The following ECHDC3 variants were observed in gnomAD, a reference collection of about 807,000 sequenced individuals.
The protein encoded by ECHDC3 is enoyl-CoA hydratase domain-containing protein 3, mitochondrial.
A neutral mutation model predicts 17.9 loss-of-function variants in ECHDC3; 20 were observed. That is an observed-to-expected ratio of 1.12 (90% CI 0.79 to 1.63). The LOEUF (loss-of-function observed/expected upper bound fraction) is 1.63, where lower values mean the gene tolerates loss of function less well. Ranked by LOEUF, ECHDC3 falls within the 40% of genes most tolerant of loss-of-function variation. ECHDC3 has a pLI of 0.00. For missense variants in ECHDC3, 407 were observed against 357.7 expected, an observed-to-expected ratio of 1.14 and a Z score of -1.11; for synonymous variants, 177 against 149.7, an observed-to-expected ratio of 1.18 and a Z score of -1.33.
chr10:11,749,356 T>G (rs1052619340), intron 2 of ECHDC3, 139 bp from the exon 3 acceptor site: 3 of 728,292 alleles, frequency 4.1e-6, no homozygotes, highest in Non-Finnish European at 6.5e-6. Context: ...CTGGAATTAT[T>G]CTTCTCAAAA....
At chr10:11,758,177 G>A (rs1244564756) in intron 4 of ECHDC3, among the ~76,000 whole-genome samples, 1 of 152,218 alleles carries the variant, frequency 6.6e-6, no homozygotes, top group Non-Finnish European at 1.5e-5. Flanking sequence ...AAGCCTGTCT[G>A]TTCAAATCAG....
At chr10:11,755,323 CAAA>C (rs35696123) in intron 3 of ECHDC3, 82 bp from the exon 4 acceptor site, 128,191 of 763,418 alleles carry the variant, frequency 0.17, 731 homozygotes, top group East Asian at 0.26. Flanking sequence ...GAGACTCTGT[CAAA>C]AAAAAAAAAA....
Position 11,755,440 on chromosome 10 carries a change from C to T in ECHDC3, c.423C>T (p.Pro141=), listed in dbSNP as rs751388435. The T allele has an allele frequency of 9.9e-6, 16 of 1,613,798 alleles. No homozygotes were observed. Among genetic ancestry groups the T allele is most frequent in the Middle Eastern group, 1.6e-4 (1 of 6,082 alleles). ...VMMHIRNHPV[P]VIAMVNGLAA... ...TGCACATCCGGAACCACCCCGTTCC[C>T]GTCATTGCCATGGTCAATGGCCTGG... The change falls in exon 4 of 5, where the codon CCC becomes CCT. Residue 141 remains proline (P), a synonymous_variant. Coordinates refer to ENST00000379215, the MANE Select transcript of ECHDC3 (RefSeq NM_024693.5).
chr10:11,756,477 A>G (rs979915067), intron 4 of ECHDC3, among the ~76,000 whole-genome samples: 1 of 152,236 alleles, frequency 6.6e-6, no homozygotes, highest in African/African-American at 2.4e-5. Flanking sequence ...CCTAAGACGC[A>G]AAAGAAATAA....
chr10:11,742,514 G>A lies in ECHDC3; in HGVS notation c.-63G>A, dbSNP rs1387175072. On this transcript the variant is annotated 5_prime_UTR_variant, in exon 1 of 5. Coordinates refer to ENST00000379215, the MANE Select transcript of ECHDC3 (RefSeq NM_024693.5). ...CCCTGCTCACAGCAGCGCCCTCGGA[G>A]CGCCCAGCACCTGCGGCCGGCCAGG... The A allele has an allele frequency of 1.6e-6, 2 of 1,244,310 alleles. No individual in the cohort carries two copies. The highest frequency in any genetic ancestry group is 3.2e-5 in the East Asian group (1 of 30,784). The allele number at this position is 1,244,310 out of a possible 1,614,324, so 77.1% of individuals were successfully genotyped here.
chr10:11,744,090 C>T lies in ECHDC3; in HGVS notation c.170+1344C>T, dbSNP rs1046663927. Among the ~76,000 whole-genome samples, 6 of 152,250 alleles carry T rather than the reference C, an allele frequency of 3.9e-5. No individual in the cohort carries two copies. The East Asian group carries it at 9.6e-4, about 24-fold the overall frequency. ...CTCCTCCTCCCAGCAGCACTGCTGTCATGGACCCAGGGCCAGCTCTGTGCT... is the reference window on the plus strand; with the variant it reads ...CTCCTCCTCCCAGCAGCACTGCTGTTATGGACCCAGGGCCAGCTCTGTGCT... On this transcript the variant is annotated intron_variant, in intron 1 of 4. Transcript: ENST00000379215.
chr10:11,742,712 C>G lies in ECHDC3; in HGVS notation c.136C>G (p.Arg46Gly). 8.1e-7 allele frequency: 1 copy of G among 1,237,552 alleles called. No homozygotes were observed. 76.7% of individuals were successfully genotyped at this position (1,237,552 alleles called of 1,614,324 possible). ...GGCGGGGCGGCGGGAGTCGGAGCCGCGGCCCACCAGCGCGCGGCAGCTGGA... is the reference window on the plus strand; with the variant it reads ...GGCGGGGCGGCGGGAGTCGGAGCCGGGGCCCACCAGCGCGCGGCAGCTGGA... ...AGAGRRESEP[R>G]PTSARQLDGI... is the part of the protein sequence containing the mutation. Residue 46 changes from arginine (R) to glycine (G), a missense_variant, in exon 1 of 5, where the codon CGG becomes GGG. Coordinates refer to ENST00000379215, the MANE Select transcript of ECHDC3 (RefSeq NM_024693.5).
Position 11,742,652 on chromosome 10 carries a change from C to T in ECHDC3, c.76C>T (p.Leu26Phe). 8.0e-7 allele frequency: 1 copy of T among 1,253,782 alleles called. No homozygotes were observed. Among genetic ancestry groups the T allele is most frequent in the Non-Finnish European group, 1.0e-6 (1 of 1,000,776 alleles). The allele number at this position is 1,253,782 out of a possible 1,614,324, so 77.7% of individuals were successfully genotyped here. A position where few individuals can be genotyped will look rare whatever the true frequency, so the allele number is the denominator to read the frequency against. ...MCLRRGPWAQ[L>F]PARFCSRDPA... Reference sequence around the variant, plus strand: ...TCTCCGGCGCGGCCCCTGGGCCCAGCTCCCCGCCCGCTTCTGCAGCCGGGA... The same window carrying T: ...TCTCCGGCGCGGCCCCTGGGCCCAGTTCCCCGCCCGCTTCTGCAGCCGGGA... Residue 26 changes from leucine (L) to phenylalanine (F), a missense_variant, in exon 1 of 5, where the codon CTC becomes TTC. By Grantham distance (22) the Leu-to-Phe change is conservative. Transcript: ENST00000379215.
In ECHDC3 at chr10:11,749,574, AT is replaced by A. The variant is rs759879970; in HGVS notation, c.375del (p.Gln126ArgfsTer7). 4 of 1,613,976 alleles carry A rather than the reference AT, an allele frequency of 2.5e-6. No individual in the cohort carries two copies. In the Admixed American group the frequency reaches 6.7e-5, roughly 27 times the overall value. ...AAGGCCGTGATTACCATGCCGAAGT[AT>A]TTCAGACCTGTTCCAAGGTAAGCCA... is the stretch of plus-strand genomic sequence containing the variant. ...EQGRDYHAEV[F>X]QTCSKVMMHI... is the part of the protein sequence containing the mutation. On this transcript the variant is annotated frameshift_variant, in exon 3 of 5. Coordinates refer to ENST00000379215, the MANE Select transcript of ECHDC3 (RefSeq NM_024693.5). LOFTEE classifies it high-confidence loss of function.
chr10:11,760,974 TA>T (rs2133796254), intron 4 of ECHDC3, among the ~76,000 whole-genome samples: 1 of 152,360 alleles, frequency 6.6e-6, no homozygotes, highest in South Asian at 2.1e-4. Flanking sequence ...TCCTCCAACG[TA>T]AAATCGGTAC....
chr10:11,747,518 C>G, intron 2 of ECHDC3, 48 bp downstream of exon 2: 1 of 1,591,990 alleles, frequency 6.3e-7, no homozygotes, highest in Non-Finnish European at 8.5e-7. Context: ...CCCACAAGAG[C>G]TTTCTGAGTC....
Position 11,751,399 on chromosome 10 carries a change from T to C in ECHDC3, c.390+1807T>C, listed in dbSNP as rs1376854294. ...GTAGTAAAATAGGACTGAAAGTGTA[T>C]TGATATCTTTAAACCATTTCTAAGA... is the stretch of plus-strand genomic sequence containing the variant. On this transcript the variant is annotated intron_variant, in intron 3 of 4. Coordinates refer to ENST00000379215, the MANE Select transcript of ECHDC3 (RefSeq NM_024693.5). Among the ~76,000 whole-genome samples the C allele has an allele frequency of 2.6e-5, 4 of 152,352 alleles. No homozygotes were observed. The East Asian group carries it at 7.7e-4, about 29-fold the overall frequency.
intron 1 of ECHDC3, 98 bp from the exon 2 acceptor site, chr10:11,747,251 G>A (rs4750088): frequency 0.99 from 1,463,689 of 1,483,062 alleles, 724,259 homozygotes; most frequent in East Asian, 1. Context: ...CTCCTTTCTT[G>A]TCTGTTAAAA....
chr10:11,763,540 T>C lies in ECHDC3; in HGVS notation c.908T>C (p.Val303Ala), dbSNP rs556223380. 2.2e-5 allele frequency: 33 copies of C among 1,496,126 alleles called. 1 individual carries two copies. In the South Asian group the frequency reaches 3.3e-4, roughly 15 times the overall value. 92.7% of individuals were successfully genotyped at this position (1,496,126 alleles called of 1,614,324 possible). ...KRKPVWSHEP[V>A] ...AAACCTGTCTGGTCACACGAGCCAG[T>C]GTGAGTGGAGGCAGAGGAGTGAGGC... The change falls in exon 5 of 5, where the codon GTG becomes GCG. Residue 303 changes from valine (V) to alanine (A), a missense_variant. Physicochemically the swap from Val to Ala is moderately conservative, Grantham distance 64. Transcript: ENST00000379215. This position sits in a 1 kb window ranked among gnomAD's most constrained non-coding sequence, Gnocchi z 4.9.
chr10:11,749,531 A>C lies in ECHDC3; in HGVS notation c.329A>C (p.Lys110Thr). Residue 110 changes from lysine (K) to threonine (T), a missense_variant, in exon 3 of 5, where the codon AAG becomes ACG. Coordinates refer to ENST00000379215, the MANE Select transcript of ECHDC3 (RefSeq NM_024693.5). Reference protein sequence around the residue: ...GPVFSSGHDLKELTEEQGRDY... With the variant: ...GPVFSSGHDLTELTEEQGRDY... ...GTGTTTTCTTCTGGGCATGACTTAA[A>C]GGAGCTGACAGAGGAGCAAGGCCGT... 6.2e-7 allele frequency: 1 copy of C among 1,614,180 alleles called. No individual in the cohort carries two copies. The highest frequency in any genetic ancestry group is 1.6e-4 in the Middle Eastern group (1 of 6,062).
intron 3 of ECHDC3, among the ~76,000 whole-genome samples, chr10:11,753,854 A>G (rs1832855964): frequency 6.6e-6 from 1 of 152,020 alleles, no homozygotes; most frequent in Non-Finnish European, 1.5e-5. Flanking sequence ...AGCTCACCAC[A>G]ACCTCCACTT....
chr10:11,757,514 C>G (rs1404897859), intron 4 of ECHDC3, among the ~76,000 whole-genome samples: 1 of 152,080 alleles, frequency 6.6e-6, no homozygotes, highest in Non-Finnish European at 1.5e-5. Flanking sequence ...GAAAATGGGG[C>G]AAAAAATCTC....
At chr10:11,761,087 TG>T (rs59268609) in intron 4 of ECHDC3, among the ~76,000 whole-genome samples, 101,227 of 151,926 alleles carry the variant, frequency 0.67, 34,200 homozygotes, top group Non-Finnish European at 0.71. Context: ...CCAGTGCATG[TG>T]GGCTCCATCT....
intron 4 of ECHDC3, among the ~76,000 whole-genome samples, chr10:11,757,063 C>T (rs1049566902): frequency 1.3e-5 from 2 of 152,190 alleles, no homozygotes; most frequent in African/African-American, 4.8e-5. Flanking sequence ...TAAGACTCTA[C>T]TTTGTGTATA....
Sources: gnomAD v4.1 joint callset for allele counts (sites outside exome capture counted in the v4.1 genomes callset) on GRCh38, gnomAD v4.1.1 for gene constraint, Gnocchi (gnomAD v3.1) non-coding constraint, MANE v1.5 for transcripts, NCBI Gene and HGNC (gene_info 2026-07-23, HGNC 2026-07-21) for gene names.